STAU2: variants seen among roughly 807,000 people sequenced by gnomAD.
The protein encoded by STAU2 is double-stranded RNA-binding protein Staufen homolog 2.
Under a neutral mutation model 65.9 loss-of-function variants are expected in STAU2, and 20 were observed. The ratio of observed to expected loss-of-function variants is 0.30; its 90% CI spans 0.21 to 0.44. STAU2 has a LOEUF of 0.44. Ranked by LOEUF, STAU2 falls within the 20% of genes least tolerant of loss-of-function variation. The probability of loss-of-function intolerance (pLI) is 1.00; values close to 1 mark genes in which losing one functional copy is unlikely to be tolerated. For missense variants in STAU2, 558 were observed against 683.9 expected (o/e 0.82, Z 2.05); for synonymous variants, 232 against 233.9 (o/e 0.99, Z 0.07).
intron 6 of STAU2, among the ~76,000 whole-genome samples, chr8:73,657,349 A>C (rs941002298): frequency 4.6e-5 from 7 of 152,246 alleles, no homozygotes; most frequent in Non-Finnish European, 1.0e-4. Flanking sequence ...CAAAATTTTA[A>C]AAAGCAAAGG....
At chr8:73,665,406 A>G (rs866506607) in intron 6 of STAU2, among the ~76,000 whole-genome samples, 7 of 152,218 alleles carry the variant, frequency 4.6e-5, no homozygotes, top group East Asian at 1.9e-4. Flanking sequence ...GCAAAGTTCT[A>G]TATCTATTGA....
intron 6 of STAU2, among the ~76,000 whole-genome samples, chr8:73,648,494 G>C (rs539963341): frequency 1.3e-5 from 2 of 152,156 alleles, no homozygotes; most frequent in Non-Finnish European, 2.9e-5. Context: ...CACCACGTCT[G>C]TGTATAAAGA....
chr8:73,561,184 C>A (rs1808198183), intron 12 of STAU2, among the ~76,000 whole-genome samples: 1 of 152,126 alleles, frequency 6.6e-6, no homozygotes, highest in African/African-American at 2.4e-5. Flanking sequence ...GGGCAGTGCA[C>A]ATTGTATATG....
chr8:73,687,450 A>ATATATT (rs1819004426), intron 5 of STAU2, among the ~76,000 whole-genome samples: 2 of 137,348 alleles, frequency 1.5e-5, no homozygotes, highest in African/African-American at 2.7e-5. Context: ...ATATATAAAT[A>ATATATT]TATAATATAT....
chr8:73,490,583 G>A (rs1174398110), intron 13 of STAU2, among the ~76,000 whole-genome samples: 1 of 151,884 alleles, frequency 6.6e-6, no homozygotes, highest in South Asian at 2.1e-4. Context: ...AAAGATACAC[G>A]GCCTTTACTT....
In STAU2 at chr8:73,591,952, T is replaced by C. The variant is rs564400104; in HGVS notation, c.1161+3214A>G. ...AAGAAAAACCCAACTTGTCAAAATG[T>C]GTAGGGCAGAGCTAAATCAGTACTT... On this transcript the variant is annotated intron_variant, in intron 11 of 14. Transcript: ENST00000524300. 2.2e-5 allele frequency among the ~76,000 whole-genome samples: 3 copies of C among 138,542 alleles called. No homozygotes were observed. The South Asian group carries it at 7.3e-4, about 34-fold the overall frequency. 90.9% of individuals were successfully genotyped at this position (138,542 alleles called of 152,430 possible).
intron 13 of STAU2, among the ~76,000 whole-genome samples, chr8:73,448,624 T>C (rs1818612113): frequency 6.6e-6 from 1 of 152,180 alleles, no homozygotes; most frequent in African/African-American, 2.4e-5. Flanking sequence ...CACTGATGTG[T>C]TCCTGAGCTC....
intron 5 of STAU2, among the ~76,000 whole-genome samples, chr8:73,677,271 G>A (rs1385138770): frequency 1.3e-5 from 2 of 152,188 alleles, no homozygotes; most frequent in Middle Eastern, 3.4e-3. Context: ...ACCGCTGGTG[G>A]GAAGGTAAAC....
intron 6 of STAU2, among the ~76,000 whole-genome samples, chr8:73,627,118 C>G (rs1813700460): frequency 6.7e-6 from 1 of 149,976 alleles, no homozygotes; most frequent in Non-Finnish European, 1.5e-5. Context: ...CACTGTGTTC[C>G]CCTGGGTGCT....
chr8:73,570,469 T>C (rs1808975384), intron 12 of STAU2, among the ~76,000 whole-genome samples: 2 of 152,052 alleles, frequency 1.3e-5, no homozygotes, highest in Non-Finnish European at 2.9e-5. Flanking sequence ...CAAATCTACG[T>C]CTGACTGGTG....
At chr8:73,562,322 T>C (rs1231479256) in intron 12 of STAU2, among the ~76,000 whole-genome samples, 1 of 151,990 alleles carries the variant, frequency 6.6e-6, no homozygotes, top group Non-Finnish European at 1.5e-5. Context: ...GCTGTCTCCA[T>C]AAAAAATTAA....
intron 12 of STAU2, among the ~76,000 whole-genome samples, chr8:73,555,452 T>C (rs1178120852): frequency 2.0e-5 from 3 of 152,094 alleles, no homozygotes; most frequent in Non-Finnish European, 4.4e-5. Flanking sequence ...ACACTTTAAA[T>C]AGCTTAAAAT....
intron 7 of STAU2, among the ~76,000 whole-genome samples, 195 bp from the exon 8 acceptor site, chr8:73,615,977 G>C (rs59659765): frequency 0.089 from 13,611 of 152,220 alleles, 719 homozygotes; most frequent in Middle Eastern, 0.15. Flanking sequence ...TTTTTAGCTT[G>C]TTTTCCTTGA....
At position 73,691,236 on chromosome 8, in the gene STAU2, C is replaced by T. The variant is rs569420251; in HGVS notation, c.115-2423G>A. On this transcript the variant is annotated intron_variant, in intron 4 of 14. Coordinates refer to ENST00000524300, the MANE Select transcript of STAU2 (RefSeq NM_001164380.2). ...ACTGCCTCCTCCACTCTACCCCCTC[C>T]AAATCAGTTCATACCCCAAAATGTT... is the stretch of plus-strand genomic sequence containing the variant. Among the ~76,000 whole-genome samples, 12 of 152,292 alleles carry T rather than the reference C, an allele frequency of 7.9e-5. No homozygotes were observed. In the South Asian group the frequency reaches 2.5e-3, roughly 32 times the overall value.
At chr8:73,482,437 A>G (rs1387398731) in intron 13 of STAU2, among the ~76,000 whole-genome samples, 1 of 152,158 alleles carries the variant, frequency 6.6e-6, no homozygotes, top group Non-Finnish European at 1.5e-5. Flanking sequence ...TAGGTATGAA[A>G]GGAATCCAAA....
intron 13 of STAU2, among the ~76,000 whole-genome samples, chr8:73,529,733 G>A (rs1289971876): frequency 1.3e-5 from 2 of 152,118 alleles, no homozygotes; most frequent in Non-Finnish European, 2.9e-5. Flanking sequence ...ATATTAGTGT[G>A]TTTACATATA....
At chr8:73,478,351 G>A (rs1585840540) in intron 13 of STAU2, among the ~76,000 whole-genome samples, 1 of 145,982 alleles carries the variant, frequency 6.9e-6, no homozygotes, top group Admixed American at 6.9e-5. Flanking sequence ...ATCTCAAAAT[G>A]TTTTAAGAAA....
At chr8:73,578,091 G>A (rs1809712879) in intron 12 of STAU2, among the ~76,000 whole-genome samples, 1 of 151,756 alleles carries the variant, frequency 6.6e-6, no homozygotes, top group Non-Finnish European at 1.5e-5. Context: ...CTATCATACT[G>A]CAATGAATAA....
At chr8:73,611,939 C>T (rs1382074049) in intron 9 of STAU2, among the ~76,000 whole-genome samples, 2 of 152,144 alleles carry the variant, frequency 1.3e-5, no homozygotes, top group Admixed American at 6.6e-5. Flanking sequence ...GCCTCAGCCT[C>T]CCAAAAGTGC....
Sources: gnomAD v4.1 joint callset for allele counts (sites outside exome capture counted in the v4.1 genomes callset) on GRCh38, gnomAD v4.1.1 for gene constraint, MANE v1.5 for transcripts, NCBI Gene and HGNC (gene_info 2026-07-23, HGNC 2026-07-21) for gene names.